The following BIN2 variants were observed in gnomAD, a reference collection of about 807,000 sequenced individuals.
The protein encoded by BIN2 is bridging integrator 2, also known as breast cancer associated protein BRAP1.
Under a neutral mutation model 67.9 loss-of-function variants are expected in BIN2, and 43 were observed. That is an observed-to-expected ratio of 0.63 (90% CI 0.50 to 0.82). BIN2 has a LOEUF of 0.82. BIN2 is among the 40% of genes least tolerant of loss of function. The pLI, the probability that BIN2 is intolerant of heterozygous loss-of-function variation, is 0.00. For missense variants in BIN2, 581 were observed against 671.6 expected (o/e 0.87, Z 1.49); for synonymous variants, 244 against 246.8 (o/e 0.99, Z 0.11).
chr12:51,300,711 T>C (rs1161516258), intron 5 of BIN2, among the ~76,000 whole-genome samples: 1 of 152,230 alleles, frequency 6.6e-6, no homozygotes, highest in African/African-American at 2.4e-5. Flanking sequence ...TCTTAGCAAT[T>C]ATCTGGTCCA....
chr12:51,319,468 T>G (rs146996244), intron 1 of BIN2, among the ~76,000 whole-genome samples: 4 of 152,366 alleles, frequency 2.6e-5, no homozygotes, highest in African/African-American at 9.6e-5. Context: ...GGTGTACAGA[T>G]GCTAAACAGA....
chr12:51,295,498 G>T (rs1231377955), intron 9 of BIN2, among the ~76,000 whole-genome samples: 9 of 146,852 alleles, frequency 6.1e-5, no homozygotes. Flanking sequence ...GGGAGGCGGA[G>T]CTTGCAGTGA....
Position 51,299,246 on chromosome 12 carries a change from G to T in BIN2, c.559C>A (p.Leu187Met). ...FNKAQTVFED[L>M]NQELLEELPI... is the part of the protein sequence containing the mutation. ...AGCTCCTCTAGTAGTTCTTGGTTCA[G>T]ATCTTCAAACACAGTCTGGGCTTTG... Residue 187 changes from leucine (L) to methionine (M), a missense_variant, in exon 7 of 13, where the codon CTG (leucine) becomes ATG (methionine). By Grantham distance (15) the Leu-to-Met change is conservative. Coordinates refer to ENST00000615107, the MANE Select transcript of BIN2 (RefSeq NM_016293.4). 1 of 1,613,820 alleles carries T rather than the reference G, an allele frequency of 6.2e-7. No individual in the cohort carries two copies. Among genetic ancestry groups the T allele is most frequent in the East Asian group, 2.2e-5 (1 of 44,890 alleles).
intron 2 of BIN2, among the ~76,000 whole-genome samples, chr12:51,304,716 A>G (rs1444050434): frequency 2.0e-5 from 3 of 152,176 alleles, no homozygotes; most frequent in Non-Finnish European, 4.4e-5. Context: ...TATTGATGAT[A>G]CCAAAAGTGT....
At chr12:51,308,705 A>G (rs1291771631) in intron 2 of BIN2, among the ~76,000 whole-genome samples, 1 of 152,202 alleles carries the variant, frequency 6.6e-6, no homozygotes, top group African/African-American at 2.4e-5. Flanking sequence ...AGCAGCTGTC[A>G]CTACCAAAAA....
At chr12:51,317,265 C>T (rs1213750960) in intron 1 of BIN2, among the ~76,000 whole-genome samples, 1 of 152,042 alleles carries the variant, frequency 6.6e-6, no homozygotes, top group African/African-American at 2.4e-5. Context: ...TTCTCAGTAT[C>T]CAGGAACTAG....
At chr12:51,299,075 GA>G (rs369516898) in intron 7 of BIN2, 127 bp downstream of exon 7, 48,464 of 446,432 alleles carry the variant, frequency 0.11, 6 homozygotes, top group South Asian at 0.16. Context: ...ACCCTGTCTC[GA>G]AAAAAAAAAA....
chr12:51,283,172 G>T (rs1262834635), intron 12 of BIN2, among the ~76,000 whole-genome samples: 4 of 149,578 alleles, frequency 2.7e-5, no homozygotes, highest in African/African-American at 9.9e-5. Flanking sequence ...CAGGAGAATC[G>T]CTTGAACCCA....
intron 1 of BIN2, among the ~76,000 whole-genome samples, chr12:51,320,971 T>TACACACACACACA (rs1328034291): frequency 3.4e-5 from 5 of 146,474 alleles, no homozygotes; most frequent in Non-Finnish European, 7.6e-5. Flanking sequence ...ACACACACAC[T>TACACACACACACA]CTAAAGCCAG....
chr12:51,314,311 G>T (rs987470434), intron 1 of BIN2, among the ~76,000 whole-genome samples: 36 of 151,836 alleles, frequency 2.4e-4, no homozygotes, highest in Non-Finnish European at 4.9e-4. Flanking sequence ...GCCTCGCAAA[G>T]TGCTGGGATT....
intron 1 of BIN2, among the ~76,000 whole-genome samples, chr12:51,319,802 C>T (rs4761843): frequency 0.64 from 96,494 of 151,924 alleles, 31,298 homozygotes; most frequent in African/African-American, 0.74. Context: ...CTATAGTTCC[C>T]TACCATTGCC....
chr12:51,287,263 G>A (rs1325095352), intron 11 of BIN2, among the ~76,000 whole-genome samples: 3 of 152,034 alleles, frequency 2.0e-5, no homozygotes, highest in Admixed American at 6.6e-5. Context: ...TGATCCTCCC[G>A]CCTCAGCATC....
chr12:51,297,082 C>T lies in BIN2; in HGVS notation c.678+7G>A. 1 of 1,612,522 alleles carries T rather than the reference C, an allele frequency of 6.2e-7. No homozygotes were observed. The highest frequency in any genetic ancestry group is 1.1e-5 in the South Asian group (1 of 91,032). On this transcript the variant is annotated splice_region_variant and intron_variant, in intron 8 of 12. Transcript: ENST00000615107. ...CTAGGAGCCTCAATTGGCCAGACACCTCTCACCTTGCTCATTTCCCTGTAG... is the reference window on the plus strand; with the variant it reads ...CTAGGAGCCTCAATTGGCCAGACACTTCTCACCTTGCTCATTTCCCTGTAG...
chr12:51,293,055 A>G (rs1191204025), intron 9 of BIN2, among the ~76,000 whole-genome samples: 1 of 151,984 alleles, frequency 6.6e-6, no homozygotes. Flanking sequence ...AGGTATCTTT[A>G]AACAGAAACT....
At chr12:51,307,902 C>A (rs1945911660) in intron 2 of BIN2, among the ~76,000 whole-genome samples, 2 of 152,138 alleles carry the variant, frequency 1.3e-5, no homozygotes, top group Non-Finnish European at 2.9e-5. Flanking sequence ...CTGCAGCTCA[C>A]AAAAGCCCCG....
At chr12:51,305,410 G>A (rs1322010605) in intron 2 of BIN2, among the ~76,000 whole-genome samples, 1 of 152,110 alleles carries the variant, frequency 6.6e-6, no homozygotes. Flanking sequence ...AGGATCACGA[G>A]GTCAGGAGCT....
chr12:51,294,790 G>C (rs548242320), intron 9 of BIN2, among the ~76,000 whole-genome samples: 2 of 152,158 alleles, frequency 1.3e-5, no homozygotes, highest in Non-Finnish European at 2.9e-5. Flanking sequence ...CCTTTAGTGG[G>C]GTCAGAAAGA....
intron 2 of BIN2, among the ~76,000 whole-genome samples, chr12:51,310,686 G>C (rs1199696014): frequency 5.3e-5 from 8 of 152,204 alleles, no homozygotes; most frequent in Non-Finnish European, 1.5e-5. Context: ...ACATAGCAAA[G>C]TAATTGTAAA....
intron 2 of BIN2, 113 bp from the exon 3 acceptor site, chr12:51,303,254 A>G: frequency 1.9e-6 from 2 of 1,046,090 alleles, no homozygotes. Context: ...GAATTTCTCT[A>G]AATATTCACA....
Sources: gnomAD v4.1 joint callset for allele counts (sites outside exome capture counted in the v4.1 genomes callset) on GRCh38, gnomAD v4.1.1 for gene constraint, MANE v1.5 for transcripts, NCBI Gene and HGNC (gene_info 2026-07-23, HGNC 2026-07-21) for gene names.